The following HS3ST3A1 variants were observed in gnomAD, a reference collection of about 807,000 sequenced individuals.
HS3ST3A1 encodes the protein heparan sulfate glucosamine 3-O-sulfotransferase 3A1.
In HS3ST3A1, 19 loss-of-function variants were observed where a neutral mutation model predicts 25.7. That is an observed-to-expected ratio of 0.74 (90% CI 0.52 to 1.08). The LOEUF (loss-of-function observed/expected upper bound fraction) is 1.08, where lower values mean the gene tolerates loss of function less well. HS3ST3A1 is among the 50% of genes least tolerant of loss of function. The pLI is 0.00. For synonymous variants in HS3ST3A1, 226 were observed against 278.6 expected, an observed-to-expected ratio of 0.81 and a Z score of 1.88; for missense variants, 459 against 594.3, an observed-to-expected ratio of 0.77 and a Z score of 2.37.
chr17:13,498,691 T>C (rs1230957374), intron 1 of HS3ST3A1, among the ~76,000 whole-genome samples: 1 of 152,242 alleles, frequency 6.6e-6, no homozygotes, highest in Non-Finnish European at 1.5e-5. Context: ...CTGGGTCTAT[T>C]TGGGTTAGAT....
intron 1 of HS3ST3A1, among the ~76,000 whole-genome samples, chr17:13,573,777 G>A (rs1907877577): frequency 6.6e-6 from 1 of 152,150 alleles, no homozygotes; most frequent in African/African-American, 2.4e-5. Flanking sequence ...GAGGAGCTGG[G>A]GGCCTTTGCG....
chr17:13,590,965 C>T (rs960043286), intron 1 of HS3ST3A1, among the ~76,000 whole-genome samples: 12 of 152,088 alleles, frequency 7.9e-5, no homozygotes, highest in African/African-American at 2.4e-4. Context: ...ACACTAGCCA[C>T]GGCACGCAGG....
intron 1 of HS3ST3A1, among the ~76,000 whole-genome samples, chr17:13,550,886 G>GA (rs1256563238): frequency 5.3e-5 from 8 of 151,964 alleles, no homozygotes; most frequent in African/African-American, 1.4e-4. Context: ...GGCTAGCAGA[G>GA]TGAAACCCCG....
intron 1 of HS3ST3A1, among the ~76,000 whole-genome samples, chr17:13,566,375 C>A (rs760987842): frequency 2.1e-4 from 32 of 152,232 alleles, no homozygotes; most frequent in Middle Eastern, 3.4e-3. Context: ...CCAGCTATCC[C>A]CCATTTCTCT....
intron 1 of HS3ST3A1, among the ~76,000 whole-genome samples, chr17:13,600,008 C>A (rs1393546175): frequency 1.3e-5 from 2 of 152,204 alleles, no homozygotes; most frequent in Non-Finnish European, 2.9e-5. Context: ...TACCCAGATT[C>A]TCTGGTTCTT....
chr17:13,597,390 A>T (rs536066811), intron 1 of HS3ST3A1, among the ~76,000 whole-genome samples: 1 of 152,252 alleles, frequency 6.6e-6, no homozygotes, highest in South Asian at 2.1e-4. Flanking sequence ...TTCGGTCCTG[A>T]CTTCCAGCAA....
In HS3ST3A1 at chr17:13,548,758, C is replaced by T. The variant is rs185005992; in HGVS notation, c.599+51773G>A. ...CATCACTCTGTAAAAACGCACCAAT[C>T]AGCGTTCTTGTGTCTAGCTAAAGGT... On this transcript the variant is annotated intron_variant, in intron 1 of 1. Coordinates refer to ENST00000284110, the MANE Select transcript of HS3ST3A1 (RefSeq NM_006042.3). Among the ~76,000 whole-genome samples the T allele has an allele frequency of 2.8e-3, 431 of 152,274 alleles. 2 individuals carry two copies. Among genetic ancestry groups the T allele is most frequent in the African/African-American group, 9.6e-3 (399 of 41,552 alleles).
At chr17:13,562,269 A>G (rs1352700442) in intron 1 of HS3ST3A1, among the ~76,000 whole-genome samples, 1 of 152,136 alleles carries the variant, frequency 6.6e-6, no homozygotes, top group Admixed American at 6.5e-5. Flanking sequence ...GATGAGTCAG[A>G]CACAGTCATG....
chr17:13,600,848 C>T lies in HS3ST3A1; in HGVS notation c.282G>A (p.Pro94=). The change falls in exon 1 of 2, where the codon CCG becomes CCA. Residue 94 remains proline (P), a synonymous_variant. Coordinates refer to ENST00000284110, the MANE Select transcript of HS3ST3A1 (RefSeq NM_006042.3). ...AAQRKRLLQL[P]QWRRRRPPAP... ...CGGGCGGCCGGCGCCTCCGCCACTG[C>T]GGCAGTTGCAGGAGGCGCTTTCTCT... 1 of 1,434,406 alleles carries T rather than the reference C, an allele frequency of 7.0e-7. No individual in the cohort carries two copies. The highest frequency in any genetic ancestry group is 9.1e-7 in the Non-Finnish European group (1 of 1,104,886). The allele number at this position is 1,434,406 out of a possible 1,614,324, so 88.9% of individuals were successfully genotyped here. A position where few individuals can be genotyped will look rare whatever the true frequency, so the allele number is the denominator to read the frequency against.
intron 1 of HS3ST3A1, among the ~76,000 whole-genome samples, chr17:13,508,761 AAC>A (rs1905767971): frequency 6.6e-6 from 1 of 152,204 alleles, no homozygotes; most frequent in Admixed American, 6.5e-5. Context: ...CCAAAGAAAT[AAC>A]TTTACAACAC....
chr17:13,593,315 T>C (rs1414263437), intron 1 of HS3ST3A1, among the ~76,000 whole-genome samples: 1 of 151,202 alleles, frequency 6.6e-6, no homozygotes, highest in Non-Finnish European at 1.5e-5. Context: ...CTTTGTGTCC[T>C]CAGAGACCTG....
At chr17:13,590,933 G>A (rs551083587) in intron 1 of HS3ST3A1, among the ~76,000 whole-genome samples, 1 of 152,254 alleles carries the variant, frequency 6.6e-6, no homozygotes, top group East Asian at 1.9e-4. Context: ...CAGTGCAAAA[G>A]GGACCTCAGG....
Position 13,581,110 on chromosome 17 carries a change from A to C in HS3ST3A1, c.599+19421T>G, listed in dbSNP as rs575693188. Among the ~76,000 whole-genome samples the C allele has an allele frequency of 2.0e-5, 3 of 152,344 alleles. No individual in the cohort carries two copies. The East Asian group carries it at 5.8e-4, about 29-fold the overall frequency. On this transcript the variant is annotated intron_variant, in intron 1 of 1. Coordinates refer to ENST00000284110, the MANE Select transcript of HS3ST3A1 (RefSeq NM_006042.3). ...TATGCTCAAAGATATTAATATTAAT[A>C]TATTAATTCCATTGGAACAAATTTG...
intron 1 of HS3ST3A1, among the ~76,000 whole-genome samples, chr17:13,578,553 A>G (rs1239885159): frequency 7.6e-6 from 1 of 132,228 alleles, no homozygotes; most frequent in Non-Finnish European, 1.6e-5. Flanking sequence ...ACAGAGCCAG[A>G]CTCCATCTCA....
chr17:13,576,435 C>T (rs1019215980), intron 1 of HS3ST3A1, among the ~76,000 whole-genome samples: 9 of 152,228 alleles, frequency 5.9e-5, no homozygotes, highest in Non-Finnish European at 4.4e-5. Flanking sequence ...ATTTCTGCTA[C>T]TTCAAGTCAC....
intron 1 of HS3ST3A1, among the ~76,000 whole-genome samples, chr17:13,537,937 G>C (rs959254282): frequency 6.6e-6 from 1 of 152,160 alleles, no homozygotes; most frequent in African/African-American, 2.4e-5. Flanking sequence ...TAAAAACTCA[G>C]CTTTGGTGTT....
At chr17:13,582,516 A>C (rs1908143402) in intron 1 of HS3ST3A1, among the ~76,000 whole-genome samples, 1 of 152,246 alleles carries the variant, frequency 6.6e-6, no homozygotes, top group African/African-American at 2.4e-5. Context: ...TAAATGAACT[A>C]TGCTTTATTT....
chr17:13,508,362 T>C (rs988301737), intron 1 of HS3ST3A1, among the ~76,000 whole-genome samples: 1 of 152,188 alleles, frequency 6.6e-6, no homozygotes, highest in Non-Finnish European at 1.5e-5. Context: ...GGGAACCTCA[T>C]GAAAAGATAA....
chr17:13,497,289 T>C (rs766492115), intron 1 of HS3ST3A1, among the ~76,000 whole-genome samples: 23 of 152,238 alleles, frequency 1.5e-4, no homozygotes, highest in Non-Finnish European at 2.4e-4. Context: ...TAATGTAGCA[T>C]ATTACACAAA....
Sources: gnomAD v4.1 joint callset for allele counts (sites outside exome capture counted in the v4.1 genomes callset) on GRCh38, gnomAD v4.1.1 for gene constraint, MANE v1.5 for transcripts, NCBI Gene and HGNC (gene_info 2026-07-23, HGNC 2026-07-21) for gene names.